The following KCNQ4 variants were observed in gnomAD, a reference collection of about 807,000 sequenced individuals.
The protein encoded by KCNQ4 is potassium voltage-gated channel subfamily KQT member 4.
In KCNQ4, 31 loss-of-function variants were observed where a neutral mutation model predicts 72.6. The ratio of observed to expected loss-of-function variants is 0.43; its 90% confidence interval spans 0.32 to 0.58. KCNQ4 has a LOEUF of 0.58. Ranked by LOEUF, KCNQ4 falls within the 20% of genes least tolerant of loss-of-function variation. The pLI is 0.08. For missense variants in KCNQ4, 869 were observed against 962.6 expected (o/e 0.90, Z 1.29); for synonymous variants, 405 against 403.7 (o/e 1.00, Z -0.04).
chr1:40,833,186 A>T, intron 11 of KCNQ4, 73 bp downstream of exon 11: 1 of 1,122,666 alleles, frequency 8.9e-7, no homozygotes, highest in Non-Finnish European at 1.3e-6. Context: ...GGGCGGGTGG[A>T]TCACTTGAGG....
At chr1:40,822,429 GT>G (rs777605379) in intron 8 of KCNQ4, 27 bp downstream of exon 8, 38 of 1,305,884 alleles carry the variant, frequency 2.9e-5, no homozygotes, top group Middle Eastern at 2.1e-4. Context: ...GTGGGGGTGG[GT>G]GGGGGGCTGG....
intron 13 of KCNQ4, among the ~76,000 whole-genome samples, 200 bp downstream of exon 13, chr1:40,837,994 G>T (rs961865923): frequency 7.0e-6 from 1 of 142,744 alleles, no homozygotes; most frequent in Non-Finnish European, 1.5e-5. Context: ...CCCGCCCCCA[G>T]GCTGCATAAG....
chr1:40,803,956 G>C (rs1265646515), intron 1 of KCNQ4, among the ~76,000 whole-genome samples: 3 of 152,158 alleles, frequency 2.0e-5, no homozygotes, highest in Admixed American at 2.0e-4. Flanking sequence ...TGCCCTCCAC[G>C]GTGCTCCTCT....
rs752032294 is a variant in KCNQ4, at chr1:40,784,287, C to T, written c.194C>T (p.Ser65Leu). Reference sequence around the variant, plus strand: ...CCCCTCCCTGGGCCGGGCTCCGGCTCGGGCTCCGCCTGCGGCCAGCGCTCC... The same window carrying T: ...CCCCTCCCTGGGCCGGGCTCCGGCTTGGGCTCCGCCTGCGGCCAGCGCTCC... The part of the protein sequence containing the change: ...GAPLPGPGSG[S>L]GSACGQRSSA... Residue 65 changes from serine (S) to leucine (L), a missense_variant, in exon 1 of 14, where the codon TCG (serine) becomes TTG (leucine). Around this residue, in one of 5 missense-constraint regions of KCNQ4, gnomAD observed 178 missense variants for 145.3 expected, o/e 1.22. Coordinates refer to ENST00000347132, the MANE Select transcript of KCNQ4 (RefSeq NM_004700.4). The surrounding 1 kb of genome is among the most constrained non-coding windows in gnomAD (Gnocchi z 4.1). 83 of 1,568,246 alleles carry T rather than the reference C, an allele frequency of 5.3e-5. No individual in the cohort carries two copies. The highest frequency in any genetic ancestry group is 6.6e-5 in the Non-Finnish European group (77 of 1,163,332).
chr1:40,830,929 C>G (rs1648622987), intron 9 of KCNQ4, among the ~76,000 whole-genome samples, 155 bp from the exon 10 acceptor site: 2 of 152,062 alleles, frequency 1.3e-5, no homozygotes, highest in African/African-American at 2.4e-5. Flanking sequence ...GAGGGCCTCC[C>G]TTACCACATC....
rs543920659 is a variant in KCNQ4, at chr1:40,807,171, A to AT, written c.315-10087dup. Among the ~76,000 whole-genome samples the AT allele has an allele frequency of 5.9e-5, 9 of 152,106 alleles. No homozygotes were observed. The East Asian group carries it at 9.7e-4, about 16-fold the overall frequency. On this transcript the variant is annotated intron_variant, in intron 1 of 13. Transcript: ENST00000347132. ...TCTAAGCCATCCTCCAAGAGGGGGC[A>AT]TTTTTTTCATAGTTTGTTCTATGTG...
intron 10 of KCNQ4, among the ~76,000 whole-genome samples, 185 bp from the exon 11 acceptor site, chr1:40,832,829 A>C (rs140257691): frequency 6.6e-6 from 1 of 151,994 alleles, no homozygotes; most frequent in Non-Finnish European, 1.5e-5. Context: ...TGGGCATGCA[A>C]CACACTGGGG....
rs189892658 is a variant in KCNQ4, at chr1:40,817,266, T to G, written c.316T>G (p.Phe106Val). ...CTCTCCCTCATGTTGTAATTGCAGA[T>G]TTTTGCTGGTCTTCAGCTGCCTGGT... is the stretch of plus-strand genomic sequence containing the variant. ...GWAFVYHVFI[F>V]LLVFSCLVLS... Residue 106 changes from phenylalanine to valine, a missense_variant and splice_region_variant, in exon 2 of 14, where the codon TTT becomes GTT. Transcript: ENST00000347132. This position sits in a 1 kb window ranked among gnomAD's most constrained non-coding sequence, Gnocchi z 5.5. 22 of 1,613,252 alleles carry G rather than the reference T, an allele frequency of 1.4e-5. No homozygotes were observed. The East Asian group carries it at 4.7e-4, about 34-fold the overall frequency.
chr1:40,822,285 C>T (rs1435802370), intron 7 of KCNQ4, 29 bp from the exon 8 acceptor site: 3 of 1,588,272 alleles, frequency 1.9e-6, no homozygotes, highest in Non-Finnish European at 1.7e-6. Context: ...TCACTGATGC[C>T]CCATCCCCCA....
At chr1:40,791,984 G>A (rs1256967155) in intron 1 of KCNQ4, among the ~76,000 whole-genome samples, 1 of 150,336 alleles carries the variant, frequency 6.7e-6, no homozygotes, top group African/African-American at 2.4e-5. Flanking sequence ...CCCACAGAGC[G>A]AAAGATGGAG....
rs937708492 is a variant in KCNQ4 at position 40,792,011 on chromosome 1, C to G, written c.314+7604C>G. 5.3e-5 allele frequency among the ~76,000 whole-genome samples: 8 copies of G among 150,874 alleles called. No individual in the cohort carries two copies. The East Asian group carries it at 1.4e-3, about 26-fold the overall frequency. On this transcript the variant is annotated intron_variant, in intron 1 of 13. Transcript: ENST00000347132. ...AAGATGGAGGGGAGATGCCTGTTCC[C>G]TTTGAGCCCAACTTTGGCGGGGTGT...
intron 1 of KCNQ4, among the ~76,000 whole-genome samples, chr1:40,806,945 T>C (rs1028462262): frequency 1.2e-4 from 19 of 152,254 alleles, no homozygotes; most frequent in African/African-American, 4.3e-4. Flanking sequence ...AGGAGAGTGC[T>C]GTGGAGCCAA....
At chr1:40,832,869 C>T (rs1648691263) in intron 10 of KCNQ4, 145 bp from the exon 11 acceptor site, 6 of 554,268 alleles carry the variant, frequency 1.1e-5, no homozygotes, top group South Asian at 9.9e-5. Context: ...CAGTGAGACA[C>T]AGGAGCCCCA....
At chr1:40,795,882 GTCTAATC>G (rs1647394582) in intron 1 of KCNQ4, among the ~76,000 whole-genome samples, 1 of 152,196 alleles carries the variant, frequency 6.6e-6, no homozygotes, top group Non-Finnish European at 1.5e-5. Flanking sequence ...AAGATTCATA[GTCTAATC>G]TCTACCAGGT....
intron 1 of KCNQ4, among the ~76,000 whole-genome samples, chr1:40,795,411 G>T (rs377294680): frequency 6.6e-6 from 1 of 151,986 alleles, no homozygotes; most frequent in African/African-American, 2.4e-5. Context: ...GCAGGTGCAC[G>T]TCACGGCGCT....
chr1:40,799,967 A>T (rs1216336408), intron 1 of KCNQ4, among the ~76,000 whole-genome samples: 2 of 152,206 alleles, frequency 1.3e-5, no homozygotes, highest in Non-Finnish European at 2.9e-5. Flanking sequence ...GTTGGGGCCC[A>T]GAATTCTACC....
rs901706711 is a variant in KCNQ4 at position 40,784,967 on chromosome 1, G to T, written c.314+560G>T. ...GTGGGCCCCCTGGGCCCTGACACTC[G>T]CATATGCTGTGTCCGACTTGATCTG... On this transcript the variant is annotated intron_variant, in intron 1 of 13. Coordinates refer to ENST00000347132, the MANE Select transcript of KCNQ4 (RefSeq NM_004700.4). This position sits in a 1 kb window ranked among gnomAD's most constrained non-coding sequence, Gnocchi z 4.1. 6.6e-6 allele frequency among the ~76,000 whole-genome samples: 1 copy of T among 152,160 alleles called. No individual in the cohort carries two copies. Among genetic ancestry groups the T allele is most frequent in the Admixed American group, 6.5e-5 (1 of 15,282 alleles).
chr1:40,807,641 G>GC (rs545380864), intron 1 of KCNQ4, among the ~76,000 whole-genome samples: 1 of 152,226 alleles, frequency 6.6e-6, no homozygotes, highest in South Asian at 2.1e-4. Context: ...CCTCCAGGCT[G>GC]CCCCCCTTGT....
intron 1 of KCNQ4, among the ~76,000 whole-genome samples, chr1:40,797,300 G>A (rs1326537542): frequency 6.6e-6 from 1 of 152,252 alleles, no homozygotes; most frequent in Non-Finnish European, 1.5e-5. Context: ...AGTTGAGACT[G>A]AAAGATGAGT....
Sources: allele counts gnomAD v4.1 joint callset (sites outside exome capture counted in the v4.1 genomes callset), GRCh38; gene constraint gnomAD v4.1.1; regional missense constraint gnomAD v4.1.1; non-coding constraint Gnocchi (gnomAD v3.1); transcripts MANE v1.5; gene names NCBI Gene and HGNC (gene_info 2026-07-23, HGNC 2026-07-21).